The following PXDNL variants were observed in gnomAD, a reference collection of about 807,000 sequenced individuals.
The protein encoded by PXDNL is peroxidasin like, also known as probable oxidoreductase PXDNL.
Under a neutral mutation model 150.8 loss-of-function variants are expected in PXDNL, and 145 were observed. The observed-to-expected ratio is 0.96, with a 90% CI of 0.84 to 1.10. The LOEUF (loss-of-function observed/expected upper bound fraction) is 1.10. Ranked by LOEUF, PXDNL falls within the 50% of genes least tolerant of loss-of-function variation. The probability of loss-of-function intolerance (pLI) is 0.00; values close to 1 mark genes in which losing one functional copy is unlikely to be tolerated. For synonymous variants in PXDNL, 757 were observed against 725.7 expected (o/e 1.04, Z -0.69); for missense variants, 2,087 against 1,873.9 (o/e 1.11, Z -2.10).
At chr8:51,658,140 C>T (rs1349214427) in intron 1 of PXDNL, among the ~76,000 whole-genome samples, 4 of 151,748 alleles carry the variant, frequency 2.6e-5, no homozygotes, top group Admixed American at 2.0e-4. Flanking sequence ...CACAGGAGTT[C>T]GAGACCAGCC....
At chr8:51,368,823 C>T (rs1807001230) in intron 19 of PXDNL, among the ~76,000 whole-genome samples, 1 of 151,972 alleles carries the variant, frequency 6.6e-6, no homozygotes, top group South Asian at 2.1e-4. Flanking sequence ...TGGTGAAACC[C>T]TGTCTCTACT....
chr8:51,331,599 C>G (rs1424291022), intron 21 of PXDNL, among the ~76,000 whole-genome samples: 1 of 152,010 alleles, frequency 6.6e-6, no homozygotes, highest in Non-Finnish European at 1.5e-5. Context: ...GGCAAGTTTT[C>G]AAGCCTGCCC....
At chr8:51,717,839 G>A (rs1816646475) in intron 1 of PXDNL, among the ~76,000 whole-genome samples, 1 of 152,188 alleles carries the variant, frequency 6.6e-6, no homozygotes, top group East Asian at 1.9e-4. Context: ...TTGGCAAAAG[G>A]GAACGAGAAT....
intron 2 of PXDNL, 55 bp from the exon 3 acceptor site, chr8:51,592,753 C>T (rs1813472336): frequency 1.6e-6 from 2 of 1,289,782 alleles, no homozygotes; most frequent in East Asian, 2.6e-5. Context: ...ACTCTGCAAA[C>T]ATTAAAATAG....
At chr8:51,536,984 A>T (rs961292958) in intron 4 of PXDNL, among the ~76,000 whole-genome samples, 5 of 152,202 alleles carry the variant, frequency 3.3e-5, no homozygotes, top group Non-Finnish European at 7.3e-5. Context: ...CACAGCTTTT[A>T]TGCCAGATAA....
intron 14 of PXDNL, among the ~76,000 whole-genome samples, chr8:51,419,224 C>T (rs1808882707): frequency 6.6e-6 from 1 of 152,168 alleles, no homozygotes; most frequent in Admixed American, 6.5e-5. Flanking sequence ...TATTTTCATA[C>T]AATTTGAACC....
At chr8:51,786,542 C>T (rs1419204064) in intron 1 of PXDNL, among the ~76,000 whole-genome samples, 2 of 151,506 alleles carry the variant, frequency 1.3e-5, no homozygotes, top group East Asian at 1.9e-4. Context: ...CTCACCCCCA[C>T]CCCCATGCCC....
At chr8:51,325,518 A>G (rs944732075) in intron 21 of PXDNL, among the ~76,000 whole-genome samples, 1 of 152,084 alleles carries the variant, frequency 6.6e-6, no homozygotes, top group Non-Finnish European at 1.5e-5. Context: ...GATGGGAGGC[A>G]TAGTATTCTG....
At position 51,575,184 on chromosome 8, in the gene PXDNL, TGAG is replaced by T. The variant is rs756153789; in HGVS notation, c.308+17440_308+17442del. Among the ~76,000 whole-genome samples the T allele has an allele frequency of 2.8e-4, 42 of 151,842 alleles. 1 individual carries two copies. Among genetic ancestry groups the T allele is most frequent in the Non-Finnish European group, 5.9e-4 (40 of 67,940 alleles). Reference sequence around the variant, plus strand: ...TTTTATACTTAAATAGAATGATACTTGAGGAGAATGTGATAAATTATGTATATG... The same window carrying T: ...TTTTATACTTAAATAGAATGATACTTGAGAATGTGATAAATTATGTATATG... On this transcript the variant is annotated intron_variant, in intron 3 of 22. Coordinates refer to ENST00000356297, the MANE Select transcript of PXDNL (RefSeq NM_144651.5).
At chr8:51,620,040 C>T (rs975740366) in intron 2 of PXDNL, among the ~76,000 whole-genome samples, 32 of 152,256 alleles carry the variant, frequency 2.1e-4, no homozygotes, top group Non-Finnish European at 4.1e-4. Flanking sequence ...ACTGGAGTAT[C>T]GGCCATCACC....
chr8:51,668,398 C>A, intron 1 of PXDNL, among the ~76,000 whole-genome samples: 1 of 151,988 alleles, frequency 6.6e-6, no homozygotes, highest in Non-Finnish European at 1.5e-5. Flanking sequence ...TGGTCTCGAA[C>A]CCCTGACCTC....
At chr8:51,334,003 A>G (rs923039783) in intron 21 of PXDNL, among the ~76,000 whole-genome samples, 10 of 152,264 alleles carry the variant, frequency 6.6e-5, no homozygotes, top group Admixed American at 1.3e-4. Context: ...CCATTCAACA[A>G]CCATAGAATA....
chr8:51,580,972 C>T (rs1813198216), intron 3 of PXDNL, among the ~76,000 whole-genome samples: 1 of 152,108 alleles, frequency 6.6e-6, no homozygotes. Context: ...CTATTTCTCC[C>T]TCTCTTTTCG....
chr8:51,551,411 T>C (rs4436114), intron 4 of PXDNL, among the ~76,000 whole-genome samples: 54,660 of 151,956 alleles, frequency 0.36, 10,970 homozygotes, highest in African/African-American at 0.52. Context: ...TCACATTATC[T>C]GACTATAAAC....
intron 1 of PXDNL, among the ~76,000 whole-genome samples, chr8:51,729,979 G>A (rs1399490785): frequency 6.6e-6 from 1 of 152,172 alleles, no homozygotes; most frequent in African/African-American, 2.4e-5. Flanking sequence ...AGAAGAGAAG[G>A]GGGAAGGATA....
intron 3 of PXDNL, among the ~76,000 whole-genome samples, chr8:51,590,398 C>G (rs1369258731): frequency 6.6e-6 from 1 of 151,978 alleles, no homozygotes; most frequent in Non-Finnish European, 1.5e-5. Flanking sequence ...AGCTACAGGG[C>G]CACCTATAGC....
intron 1 of PXDNL, among the ~76,000 whole-genome samples, chr8:51,712,175 T>C (rs1437614103): frequency 6.6e-6 from 1 of 152,186 alleles, no homozygotes; most frequent in South Asian, 2.1e-4. Context: ...GTTTCAGTTC[T>C]TTGATTTTTT....
chr8:51,500,829 A>C (rs1783215902), intron 4 of PXDNL, among the ~76,000 whole-genome samples: 1 of 152,256 alleles, frequency 6.6e-6, no homozygotes, highest in Non-Finnish European at 1.5e-5. Context: ...GCAAGTAAAA[A>C]GAAAGCTTTA....
At chr8:51,628,670 T>C (rs1263977335) in intron 2 of PXDNL, among the ~76,000 whole-genome samples, 1 of 152,048 alleles carries the variant, frequency 6.6e-6, no homozygotes, top group African/African-American at 2.4e-5. Context: ...CTCAAAGTGC[T>C]GGGATTACAG....
Sources: allele counts gnomAD v4.1 joint callset (sites outside exome capture counted in the v4.1 genomes callset), GRCh38; gene constraint gnomAD v4.1.1; transcripts MANE v1.5; gene names NCBI Gene and HGNC (gene_info 2026-07-23, HGNC 2026-07-21).